The following R3HDM2 variants were observed in gnomAD, a reference collection of about 807,000 sequenced individuals.
The protein encoded by R3HDM2 is R3H domain-containing protein 2.
A neutral mutation model predicts 124.5 loss-of-function variants in R3HDM2; 38 were observed. The ratio of observed to expected loss-of-function variants is 0.31; its 90% CI spans 0.24 to 0.40. The LOEUF (loss-of-function observed/expected upper bound fraction) is 0.40. Ranked by LOEUF, R3HDM2 falls within the 10% of genes least tolerant of loss-of-function variation. R3HDM2 has a pLI of 1.00. For missense variants in R3HDM2, 869 were observed against 1,236.9 expected (o/e 0.70, Z 4.46); for synonymous variants, 391 against 448.0 (o/e 0.87, Z 1.61).
chr12:57,425,334 T>G (rs531965994), intron 1 of R3HDM2, among the ~76,000 whole-genome samples: 1 of 152,282 alleles, frequency 6.6e-6, no homozygotes, highest in South Asian at 2.1e-4. Flanking sequence ...AAGATGCAGT[T>G]ATTTCTTTAT....
At chr12:57,268,503 G>C in intron 17 of R3HDM2, 46 bp from the exon 18 acceptor site, 7 of 1,599,584 alleles carry the variant, frequency 4.4e-6, no homozygotes, top group Non-Finnish European at 5.1e-6. Flanking sequence ...CATTCACATT[G>C]AGCTCATGCA....
intron 21 of R3HDM2, among the ~76,000 whole-genome samples, chr12:57,256,816 A>ATCCC (rs2039143774): frequency 6.8e-6 from 1 of 147,288 alleles, no homozygotes. Context: ...AATGTCTTTT[A>ATCCC]TCTCTCTTTT....
chr12:57,256,004 C>A lies in R3HDM2; in HGVS notation c.2618G>T (p.Gly873Val). The A allele has an allele frequency of 6.2e-7, 1 of 1,613,316 alleles. No individual in the cohort carries two copies. Among genetic ancestry groups the A allele is most frequent in the Non-Finnish European group, 8.5e-7 (1 of 1,179,558 alleles). The change falls in exon 23 of 24, where the codon GGG becomes GTG. Residue 873 changes from glycine (G) to valine (V), a missense_variant. Coordinates refer to ENST00000402412, the MANE Select transcript of R3HDM2 (RefSeq NM_001394031.1). ...CCGTGACTCACCAACATCTGCTGTC[C>A]CCAGGTCAGTGGAGGCAGATTTGAG... ...QALKSASTDL[G>V]TADVVLGRVL... is the part of the protein sequence containing the mutation.
Position 57,256,055 on chromosome 12 carries a change from T to A in R3HDM2, c.2567A>T (p.His856Leu). 1.2e-6 allele frequency: 2 copies of A among 1,614,094 alleles called. No homozygotes were observed. The highest frequency in any genetic ancestry group is 2.2e-5 in the South Asian group (2 of 91,084). ...TVHQGQSGLK[H>L]GNRGKRQALK... ...TGCTTGTCTCTTGCCCCGGTTTCCA[T>A]GCTTCAGTCCACTCTGTCCCTTCAA... Residue 856 changes from histidine (H) to leucine (L), a missense_variant, in exon 23 of 24, where the codon CAT (histidine) becomes CTT (leucine). His to Leu is a moderately conservative substitution (Grantham distance 99, BLOSUM62 -3). Coordinates refer to ENST00000402412, the MANE Select transcript of R3HDM2 (RefSeq NM_001394031.1).
intron 2 of R3HDM2, among the ~76,000 whole-genome samples, chr12:57,357,077 T>C (rs2137426760): frequency 6.6e-6 from 1 of 151,700 alleles, no homozygotes; most frequent in South Asian, 2.1e-4. Context: ...CACTCCAGCC[T>C]GGGCGACACA....
intron 2 of R3HDM2, among the ~76,000 whole-genome samples, chr12:57,330,938 T>C (rs1363339456): frequency 6.6e-6 from 1 of 151,746 alleles, no homozygotes; most frequent in East Asian, 1.9e-4. Flanking sequence ...GACCTTGTGA[T>C]CTGCCCGCCT....
chr12:57,383,134 C>T lies in R3HDM2; in HGVS notation c.-36+12615G>A, dbSNP rs569153433. On this transcript the variant is annotated intron_variant, in intron 2 of 23. Coordinates refer to ENST00000402412, the MANE Select transcript of R3HDM2 (RefSeq NM_001394031.1). ...CCTCCCAAAGTTCTGGGATTATAGGCGTGAGCCACAGCGCCCAGCCAAAAA... is the reference window on the plus strand; with the variant it reads ...CCTCCCAAAGTTCTGGGATTATAGGTGTGAGCCACAGCGCCCAGCCAAAAA... Among the ~76,000 whole-genome samples, 14 of 151,896 alleles carry T rather than the reference C, an allele frequency of 9.2e-5. No individual in the cohort carries two copies. The South Asian group carries it at 2.7e-3, about 29-fold the overall frequency.
intron 2 of R3HDM2, among the ~76,000 whole-genome samples, chr12:57,327,633 C>T (rs11172165): frequency 0.45 from 67,871 of 151,892 alleles, 15,725 homozygotes; most frequent in South Asian, 0.52. Context: ...AATATCAACA[C>T]GAACAGGAGT....
chr12:57,412,263 C>T (rs753442868), intron 1 of R3HDM2, among the ~76,000 whole-genome samples: 2 of 151,732 alleles, frequency 1.3e-5, no homozygotes, highest in Non-Finnish European at 2.9e-5. Flanking sequence ...AAGTATTGGC[C>T]GGGCGCGGTG....
At chr12:57,361,993 C>T (rs759392005) in intron 2 of R3HDM2, among the ~76,000 whole-genome samples, 7 of 152,012 alleles carry the variant, frequency 4.6e-5, no homozygotes, top group Admixed American at 6.6e-5. Context: ...ATTAGCCATG[C>T]GCGGTGGAGC....
chr12:57,259,159 C>T (rs2039997049), intron 19 of R3HDM2, 100 bp from the exon 20 acceptor site: 6 of 1,265,806 alleles, frequency 4.7e-6, no homozygotes, highest in Non-Finnish European at 1.1e-6. Flanking sequence ...CCACCCATTG[C>T]CTCAGGGTCA....
chr12:57,376,150 G>A (rs2064038216), intron 2 of R3HDM2, among the ~76,000 whole-genome samples: 1 of 152,202 alleles, frequency 6.6e-6, no homozygotes, highest in Admixed American at 6.5e-5. Flanking sequence ...GAACCACTAT[G>A]ACCCTCCTCT....
intron 2 of R3HDM2, among the ~76,000 whole-genome samples, chr12:57,383,661 T>C (rs1013224065): frequency 6.6e-5 from 10 of 151,858 alleles, no homozygotes; most frequent in Non-Finnish European, 1.3e-4. Context: ...TGAGCCGAGA[T>C]CATGCACTCC....
At position 57,258,061 on chromosome 12, in the gene R3HDM2, C is replaced by G; in HGVS notation, c.2378G>C (p.Ser793Thr). 6.2e-7 allele frequency: 1 copy of G among 1,603,348 alleles called. No homozygotes were observed. Among genetic ancestry groups the G allele is most frequent in the Non-Finnish European group, 8.5e-7 (1 of 1,172,880 alleles). ...GGGACTGAGTCCTGTGCAGACACTG[C>G]TGAGGCTGGTGACAGGAGAGGGTGC... ...SPAPSPVTSL[S>T]SVCTGLSPLP... The change falls in exon 21 of 24, where the codon AGC (serine) becomes ACC (threonine). Residue 793 changes from serine to threonine, a missense_variant. This residue lies in a region of R3HDM2 where 602 missense variants were observed against 789.2 expected (regional missense o/e 0.76). Transcript: ENST00000402412.
At chr12:57,358,356 G>A (rs1037403088) in intron 2 of R3HDM2, among the ~76,000 whole-genome samples, 1 of 152,040 alleles carries the variant, frequency 6.6e-6, no homozygotes, top group Non-Finnish European at 1.5e-5. Flanking sequence ...AGTAATAGAG[G>A]CCAAGTGGAG....
rs544678707 is a variant in R3HDM2, at chr12:57,300,709, T to C, written c.208-528A>G. 2.0e-5 allele frequency among the ~76,000 whole-genome samples: 3 copies of C among 152,320 alleles called. No homozygotes were observed. In the South Asian group the frequency reaches 6.2e-4, roughly 32 times the overall value. ...AATTAGATAATATACAGTATGTAAA[T>C]ATACATATCATTAAATAGTGCTTAG... is the stretch of plus-strand genomic sequence containing the variant. On this transcript the variant is annotated intron_variant, in intron 4 of 23. Transcript: ENST00000402412.
chr12:57,309,555 G>A (rs2053483317), intron 3 of R3HDM2, among the ~76,000 whole-genome samples: 1 of 152,204 alleles, frequency 6.6e-6, no homozygotes, highest in African/African-American at 2.4e-5. Flanking sequence ...CAAGTTCAGA[G>A]GCTATTTCTG....
intron 1 of R3HDM2, among the ~76,000 whole-genome samples, chr12:57,430,158 GC>G (rs1869391270): frequency 6.6e-6 from 1 of 152,098 alleles, no homozygotes; most frequent in Non-Finnish European, 1.5e-5. Context: ...AGACTTAATG[GC>G]CACAAATGTT....
chr12:57,282,278 A>T (rs114732273), intron 13 of R3HDM2, among the ~76,000 whole-genome samples: 1,775 of 150,562 alleles, frequency 0.012, 28 homozygotes, highest in African/African-American at 0.041. Flanking sequence ...GCCATTGCGT[A>T]ACAAGAGCAA....
Sources: allele counts gnomAD v4.1 joint callset (sites outside exome capture counted in the v4.1 genomes callset), GRCh38; gene constraint gnomAD v4.1.1; regional missense constraint gnomAD v4.1.1; transcripts MANE v1.5; gene names NCBI Gene and HGNC (gene_info 2026-07-23, HGNC 2026-07-21).